Variants in FAM110B observed in about 807,000 individuals in gnomAD.
The protein encoded by FAM110B is family with sequence similarity 110 member B, also known as protein FAM110B.
In FAM110B, 6 loss-of-function variants were observed where a neutral mutation model predicts 20.4. The ratio of observed to expected loss-of-function variants is 0.29; its 90% CI spans 0.16 to 0.58. The LOEUF is 0.58. Among genes scored for constraint, FAM110B ranks in the 20% least tolerant of loss-of-function variants. FAM110B has a pLI of 0.90. For missense variants in FAM110B, 434 were observed against 498.2 expected, an observed-to-expected ratio of 0.87 and a Z score of 1.23; for synonymous variants, 226 against 214.1, an observed-to-expected ratio of 1.06 and a Z score of -0.49.
At chr8:58,001,334 G>A (rs1211571628) in intron 1 of FAM110B, among the ~76,000 whole-genome samples, 1 of 151,932 alleles carries the variant, frequency 6.6e-6, no homozygotes, top group Non-Finnish European at 1.5e-5. Context: ...TTCCATGGAA[G>A]CAGTGAAAGT....
intron 3 of FAM110B, among the ~76,000 whole-genome samples, chr8:58,129,294 C>A (rs1354457079): frequency 6.6e-6 from 1 of 152,202 alleles, no homozygotes; most frequent in Non-Finnish European, 1.5e-5. Flanking sequence ...TGTGTCCCAA[C>A]TGGAGAATTA....
chr8:58,145,928 A>C lies in FAM110B; in HGVS notation c.-303A>C. 1 of 285,038 alleles carries C rather than the reference A, an allele frequency of 3.5e-6. No individual in the cohort carries two copies. Among genetic ancestry groups the C allele is most frequent in the Non-Finnish European group, 6.6e-6 (1 of 151,960 alleles). The allele number at this position is 285,038 out of a possible 1,614,324, so 17.7% of individuals were successfully genotyped here. Reference sequence around the variant, plus strand: ...TCAGCTCTGCCTGCAGTTGAACACAAAGACCTGGAGGAGACTCCCACCTCC... The same window carrying C: ...TCAGCTCTGCCTGCAGTTGAACACACAGACCTGGAGGAGACTCCCACCTCC... On this transcript the variant is annotated 5_prime_UTR_variant, in exon 4 of 4. Transcript: ENST00000519262.
intron 3 of FAM110B, among the ~76,000 whole-genome samples, chr8:58,140,774 G>A (rs1803723695): frequency 6.6e-6 from 1 of 152,198 alleles, no homozygotes; most frequent in Non-Finnish European, 1.5e-5. Context: ...AAGCTGCCCT[G>A]ATGAGGGATG....
chr8:58,079,963 A>T (rs566565088), intron 3 of FAM110B, among the ~76,000 whole-genome samples: 1 of 152,344 alleles, frequency 6.6e-6, no homozygotes, highest in Admixed American at 6.5e-5. Context: ...AGTTATGACC[A>T]TGGACTGTAG....
At chr8:58,086,250 T>C (rs578111127) in intron 3 of FAM110B, among the ~76,000 whole-genome samples, 1 of 152,290 alleles carries the variant, frequency 6.6e-6, no homozygotes, top group East Asian at 1.9e-4. Flanking sequence ...TCACTACACA[T>C]TAGATTAAGA....
chr8:58,094,574 C>T (rs888417728), intron 3 of FAM110B, among the ~76,000 whole-genome samples: 12 of 152,256 alleles, frequency 7.9e-5, no homozygotes, highest in South Asian at 2.1e-4. Context: ...TATGTTGAAC[C>T]GGCCTTGCAT....
chr8:58,112,395 T>C (rs1016187103), intron 3 of FAM110B, among the ~76,000 whole-genome samples: 1 of 152,242 alleles, frequency 6.6e-6, no homozygotes, highest in African/African-American at 2.4e-5. Context: ...TTTTTACAAA[T>C]ATGCTCCACC....
intron 2 of FAM110B, among the ~76,000 whole-genome samples, chr8:58,062,361 CT>C (rs1247056976): frequency 5.3e-5 from 8 of 152,152 alleles, no homozygotes; most frequent in Admixed American, 2.0e-4. Context: ...TAATTACATA[CT>C]TTATAGTACA....
chr8:58,101,544 C>A (rs1208901167), intron 3 of FAM110B, among the ~76,000 whole-genome samples: 1 of 152,104 alleles, frequency 6.6e-6, no homozygotes, highest in Non-Finnish European at 1.5e-5. Flanking sequence ...TCCATTTTAA[C>A]CCAAAAATAG....
At position 58,094,609 on chromosome 8, in the gene FAM110B, G is replaced by A. The variant is rs559255417; in HGVS notation, c.-325+18986G>A. The stretch of plus-strand genomic sequence containing the variant: ...TCACAGGGATGAAGCCTACCTGATC[G>A]TGATGGATAAGCTTTTTGATGTGCT... On this transcript the variant is annotated intron_variant, in intron 3 of 3. Coordinates refer to ENST00000519262, the MANE Select transcript of FAM110B (RefSeq NM_001377989.1). Among the ~76,000 whole-genome samples the A allele has an allele frequency of 1.4e-3, 207 of 152,232 alleles. 2 individuals carry two copies. The highest frequency in any genetic ancestry group is 4.7e-3 in the African/African-American group (195 of 41,536).
In FAM110B at chr8:58,146,102, G is replaced by A. The variant is rs1803856181; in HGVS notation, c.-129G>A. On this transcript the variant is annotated 5_prime_UTR_variant, in exon 4 of 4. Transcript: ENST00000519262. The stretch of plus-strand genomic sequence containing the variant: ...TGTGAGATGAGGCGCTGCTGCGGCC[G>A]CTGCTGCTGACACTCGCTCCCAGGC... 6 of 1,089,132 alleles carry A rather than the reference G, an allele frequency of 5.5e-6. No homozygotes were observed. Among genetic ancestry groups the A allele is most frequent in the African/African-American group, 3.2e-5 (2 of 63,096 alleles). 67.5% of individuals were successfully genotyped at this position (1,089,132 alleles called of 1,614,324 possible).
At chr8:58,120,814 G>A (rs994630316) in intron 3 of FAM110B, among the ~76,000 whole-genome samples, 45 of 152,160 alleles carry the variant, frequency 3.0e-4, no homozygotes, top group African/African-American at 1.0e-3. Context: ...TGGAAGACTG[G>A]GAGAATAGGT....
intron 2 of FAM110B, among the ~76,000 whole-genome samples, chr8:58,071,047 TGAAAC>T (rs1451534374): frequency 6.6e-6 from 1 of 152,184 alleles, no homozygotes; most frequent in Admixed American, 6.5e-5. Flanking sequence ...AGTTAGGAGT[TGAAAC>T]GAAGTCGCAG....
At chr8:58,075,272 T>TG (rs59807974) in intron 2 of FAM110B, among the ~76,000 whole-genome samples, 1,675 of 146,128 alleles carry the variant, frequency 0.011, 25 homozygotes, top group African/African-American at 0.039. Context: ...CTTTTTTTTT[T>TG]TTTTGTGTGT....
intron 2 of FAM110B, among the ~76,000 whole-genome samples, chr8:58,059,345 T>C (rs938880191): frequency 6.6e-6 from 1 of 152,234 alleles, no homozygotes; most frequent in South Asian, 2.1e-4. Flanking sequence ...TGGGTAACTT[T>C]ATAAGAAATG....
chr8:58,042,087 G>T (rs1055330506), intron 2 of FAM110B, among the ~76,000 whole-genome samples: 1 of 152,174 alleles, frequency 6.6e-6, no homozygotes, highest in Admixed American at 6.5e-5. Flanking sequence ...ATAAGACATA[G>T]AATTTTTTAT....
Position 58,120,171 on chromosome 8 carries a change from AT to A in FAM110B, c.-324-25727del, listed in dbSNP as rs998427016. 6.6e-5 allele frequency among the ~76,000 whole-genome samples: 10 copies of A among 151,944 alleles called. No individual in the cohort carries two copies. In the East Asian group the frequency reaches 7.7e-4, roughly 12 times the overall value. ...GATAGGCAAACTATGTTTGCACATAATTTTTTTTTATTATTTCAAATACCTG... is the reference window on the plus strand; with the variant it reads ...GATAGGCAAACTATGTTTGCACATAATTTTTTTTATTATTTCAAATACCTG... On this transcript the variant is annotated intron_variant, in intron 3 of 3. Transcript: ENST00000519262.
intron 3 of FAM110B, among the ~76,000 whole-genome samples, chr8:58,135,840 G>T (rs576164895): frequency 2.0e-5 from 3 of 152,070 alleles, no homozygotes; most frequent in Non-Finnish European, 4.4e-5. Context: ...TCGCTGAGAT[G>T]AGGTGTGGGA....
intron 3 of FAM110B, among the ~76,000 whole-genome samples, chr8:58,131,772 C>A (rs371169580): frequency 6.6e-6 from 1 of 152,220 alleles, no homozygotes; most frequent in Non-Finnish European, 1.5e-5. Flanking sequence ...TTTGTAGATG[C>A]TCAGTAAACA....
Sources: gnomAD v4.1 joint callset for allele counts (sites outside exome capture counted in the v4.1 genomes callset) on GRCh38, gnomAD v4.1.1 for gene constraint, MANE v1.5 for transcripts, NCBI Gene and HGNC (gene_info 2026-07-23, HGNC 2026-07-21) for gene names.